MALRD1: variants seen among roughly 807,000 people sequenced by gnomAD.
MALRD1 encodes MAM and LDL receptor class A domain containing 1.
Under a neutral mutation model 242.1 loss-of-function variants are expected in MALRD1, and 247 were observed. The ratio of observed to expected loss-of-function variants is 1.02; its 90% CI spans 0.92 to 1.13. MALRD1 has a LOEUF of 1.13. MALRD1 is among the 50% of genes most tolerant of loss of function. The pLI, the probability that MALRD1 is intolerant of heterozygous loss-of-function variation, is 0.00. For missense variants in MALRD1, 2,989 were observed against 2,533.1 expected (o/e 1.18, Z -3.86); for synonymous variants, 995 against 866.6 (o/e 1.15, Z -2.60).
At chr10:19,364,626 A>G (rs1845033846) in intron 26 of MALRD1, among the ~76,000 whole-genome samples, 2 of 152,282 alleles carry the variant, frequency 1.3e-5, no homozygotes, top group South Asian at 4.1e-4. Flanking sequence ...AAATGGTCAT[A>G]TGATAATCTA....
chr10:19,498,697 T>C, intron 31 of MALRD1, 51 bp downstream of exon 31: 5 of 1,512,516 alleles, frequency 3.3e-6, no homozygotes, highest in Non-Finnish European at 4.4e-6. Flanking sequence ...TCTTAAAGTC[T>C]GCTTTAACAA....
intron 26 of MALRD1, among the ~76,000 whole-genome samples, chr10:19,355,858 T>TATATATATATATATATATATATATATA (rs57813656): frequency 0.01 from 976 of 94,570 alleles, 61 homozygotes; most frequent in South Asian, 0.016. Flanking sequence ...TATATATATA[T>TATATATATATATATATATATATATATA]TATATATGAT....
Position 19,220,956 on chromosome 10 carries a change from G to A in MALRD1, c.2991+11276G>A, listed in dbSNP as rs150466378. On this transcript the variant is annotated intron_variant, in intron 18 of 39. Transcript: ENST00000454679. The stretch of plus-strand genomic sequence containing the variant: ...TGATGTAGGCCTGAGGAAAGGACAT[G>A]GACTTTCAAATAAAATATTCTCCAG... Among the ~76,000 whole-genome samples, 7 of 152,170 alleles carry A rather than the reference G, an allele frequency of 4.6e-5. No individual in the cohort carries two copies. The East Asian group carries it at 1.4e-3, about 29-fold the overall frequency.
At chr10:19,294,394 T>A (rs1301345834) in intron 21 of MALRD1, among the ~76,000 whole-genome samples, 2 of 152,184 alleles carry the variant, frequency 1.3e-5, no homozygotes, top group Admixed American at 6.5e-5. Flanking sequence ...TTTTATGACA[T>A]CAGTATGCTC....
At chr10:19,197,895 A>G (rs1352026174) in intron 14 of MALRD1, among the ~76,000 whole-genome samples, 1 of 152,206 alleles carries the variant, frequency 6.6e-6, no homozygotes, top group Non-Finnish European at 1.5e-5. Flanking sequence ...CTTAGACTTT[A>G]TACTTGTGCA....
intron 36 of MALRD1, among the ~76,000 whole-genome samples, chr10:19,623,469 T>C (rs185697191): frequency 6.6e-6 from 1 of 152,136 alleles, no homozygotes; most frequent in Admixed American, 6.6e-5. Flanking sequence ...CCTGTAGTTA[T>C]GGAGGCTGGG....
chr10:19,310,464 A>G (rs1481488447), intron 21 of MALRD1, among the ~76,000 whole-genome samples: 1 of 151,604 alleles, frequency 6.6e-6, no homozygotes, highest in African/African-American at 2.4e-5. Context: ...GCAGCTAGAT[A>G]AAGAGGACCA....
chr10:19,590,602 C>T (rs1837723645), intron 33 of MALRD1, among the ~76,000 whole-genome samples: 1 of 151,996 alleles, frequency 6.6e-6, no homozygotes, highest in Non-Finnish European at 1.5e-5. Context: ...CTGCTCTGAA[C>T]TGCTCCTCAG....
chr10:19,602,658 G>T (rs1165216672), intron 34 of MALRD1, among the ~76,000 whole-genome samples: 2 of 151,976 alleles, frequency 1.3e-5, no homozygotes, highest in African/African-American at 4.8e-5. Flanking sequence ...ATAAACATAC[G>T]TGTGCTTGTG....
Position 19,697,000 on chromosome 10 carries a change from A to G in MALRD1, c.6314+4446A>G, listed in dbSNP as rs149911885. The stretch of plus-strand genomic sequence containing the variant: ...TATGCTAGACAACATGAACACAAAC[A>G]TGAATGAGAAGCAGTCTAGACTTTA... On this transcript the variant is annotated intron_variant, in intron 38 of 39. Transcript: ENST00000454679. Among the ~76,000 whole-genome samples the G allele has an allele frequency of 6.0e-3, 910 of 152,320 alleles. 15 individuals carry two copies. The highest frequency in any genetic ancestry group is 0.016 in the African/African-American group (673 of 41,580).
chr10:19,703,274 C>T (rs1159575537), intron 38 of MALRD1, among the ~76,000 whole-genome samples: 4 of 152,200 alleles, frequency 2.6e-5, no homozygotes, highest in African/African-American at 4.8e-5. Context: ...TTTTGATTCT[C>T]TCTCTGCAGG....
chr10:19,112,847 A>G (rs887318874), intron 5 of MALRD1, among the ~76,000 whole-genome samples: 2 of 152,130 alleles, frequency 1.3e-5, no homozygotes, highest in East Asian at 1.9e-4. Flanking sequence ...GTAAACTCCA[A>G]TTTTCTTTCA....
chr10:19,180,176 C>T (rs1345182182), intron 14 of MALRD1, among the ~76,000 whole-genome samples: 1 of 152,128 alleles, frequency 6.6e-6, no homozygotes, highest in Non-Finnish European at 1.5e-5. Flanking sequence ...AGACATTTTC[C>T]AGAAGTGTGG....
At chr10:19,244,599 C>A (rs1210528057) in intron 18 of MALRD1, among the ~76,000 whole-genome samples, 2 of 151,986 alleles carry the variant, frequency 1.3e-5, no homozygotes, top group East Asian at 3.9e-4. Context: ...GATTTGATTT[C>A]TATTTCTATG....
chr10:19,145,626 C>T (rs997540387), intron 10 of MALRD1, among the ~76,000 whole-genome samples: 17 of 149,664 alleles, frequency 1.1e-4, no homozygotes, highest in African/African-American at 4.2e-4. Flanking sequence ...TGCACTCCAG[C>T]CTGGGTGACA....
chr10:19,087,699 A>T (rs1835718617), intron 2 of MALRD1, 141 bp from the exon 3 acceptor site: 1 of 416,708 alleles, frequency 2.4e-6, no homozygotes, highest in Non-Finnish European at 4.1e-6. Flanking sequence ...TGTTACAAAC[A>T]ATCCAATCAC....
chr10:19,116,241 G>A (rs746925346), intron 5 of MALRD1, among the ~76,000 whole-genome samples: 1 of 152,046 alleles, frequency 6.6e-6, no homozygotes, highest in Non-Finnish European at 1.5e-5. Flanking sequence ...TTTGTATAAC[G>A]ATTTCATGCT....
intron 19 of MALRD1, among the ~76,000 whole-genome samples, chr10:19,261,020 C>T (rs1010864039): frequency 6.6e-6 from 1 of 152,170 alleles, no homozygotes; most frequent in African/African-American, 2.4e-5. Flanking sequence ...GTGGCCAGGG[C>T]TTTCCCCACA....
chr10:19,418,577 A>G (rs1024366786), intron 28 of MALRD1, among the ~76,000 whole-genome samples: 10 of 152,156 alleles, frequency 6.6e-5, no homozygotes, highest in African/African-American at 2.4e-4. Flanking sequence ...TTCAGGGTGG[A>G]TGCTACACTG....
Sources: allele counts gnomAD v4.1 joint callset (sites outside exome capture counted in the v4.1 genomes callset), GRCh38; gene constraint gnomAD v4.1.1; transcripts MANE v1.5; gene names NCBI Gene and HGNC (gene_info 2026-07-23, HGNC 2026-07-21).